Variants in ARHGEF4 observed in about 807,000 individuals in gnomAD.
ARHGEF4 encodes APC-stimulated guanine nucleotide exchange factor 1.
In ARHGEF4, 119 loss-of-function variants were observed where a neutral mutation model predicts 162.0. The ratio of observed to expected loss-of-function variants is 0.73; its 90% CI spans 0.63 to 0.86. The LOEUF (loss-of-function observed/expected upper bound fraction) is 0.86. ARHGEF4 is among the 40% of genes least tolerant of loss of function. The pLI is 0.00. For synonymous variants in ARHGEF4, 1,014 were observed against 979.9 expected (o/e 1.03, Z -0.65); for missense variants, 2,488 against 2,456.0 (o/e 1.01, Z -0.28).
intron 2 of ARHGEF4, among the ~76,000 whole-genome samples, chr2:130,920,520 A>G (rs1011623337): frequency 6.6e-6 from 1 of 151,994 alleles, no homozygotes; most frequent in Non-Finnish European, 1.5e-5. Flanking sequence ...TACATAGGGA[A>G]CGGGAAGGGA....
intron 4 of ARHGEF4, among the ~76,000 whole-genome samples, chr2:130,984,792 A>G (rs1316689461): frequency 6.6e-6 from 1 of 152,184 alleles, no homozygotes; most frequent in African/African-American, 2.4e-5. Context: ...TGCTGCAACA[A>G]ACAAGCCCCA....
chr2:130,914,527 C>A lies in ARHGEF4; in HGVS notation c.581C>A (p.Pro194His). 7.0e-7 allele frequency: 1 copy of A among 1,426,056 alleles called. No individual in the cohort carries two copies. Among genetic ancestry groups the A allele is most frequent in the South Asian group, 1.6e-5 (1 of 64,130 alleles). 88.3% of individuals were successfully genotyped at this position (1,426,056 alleles called of 1,614,324 possible). A position where few individuals can be genotyped will look rare whatever the true frequency, so the allele number is the denominator to read the frequency against. ...CAGAGGGCCACAGACAGCAGTGGTC[C>A]TGAGCCAGTACAGGGGGTGGCTGTT... ...CLQRATDSSG[P>H]EPVQGVAVQD... Residue 194 changes from proline to histidine, a missense_variant, in exon 2 of 14, where the codon CCT (proline) becomes CAT (histidine). Coordinates refer to ENST00000409359, the MANE Select transcript of ARHGEF4 (RefSeq NM_001367493.1).
intron 1 of ARHGEF4, among the ~76,000 whole-genome samples, chr2:130,880,784 C>T (rs568669670): frequency 7.2e-5 from 11 of 152,220 alleles, no homozygotes; most frequent in African/African-American, 2.4e-4. Flanking sequence ...GTCATCCTGC[C>T]TCAACCTCCC....
intron 1 of ARHGEF4, among the ~76,000 whole-genome samples, chr2:130,849,733 A>T (rs1233580980): frequency 6.6e-6 from 1 of 151,928 alleles, no homozygotes; most frequent in Admixed American, 6.6e-5. Flanking sequence ...ACGTCCAGCT[A>T]ATTTTTGTAT....
At chr2:130,837,715 A>G in intron 1 of ARHGEF4, 1 of 413,638 alleles carries the variant, frequency 2.4e-6, no homozygotes, top group Non-Finnish European at 4.9e-6. Flanking sequence ...AGCCAGCGGG[A>G]GGGCGGTTGC....
At chr2:131,010,645 G>A (rs1688389224) in intron 4 of ARHGEF4, among the ~76,000 whole-genome samples, 1 of 152,184 alleles carries the variant, frequency 6.6e-6, no homozygotes, top group Non-Finnish European at 1.5e-5. Flanking sequence ...GGTGGTTCCT[G>A]GTAGCTTCCC....
At chr2:130,999,212 G>A (rs562146641) in intron 4 of ARHGEF4, among the ~76,000 whole-genome samples, 9 of 147,428 alleles carry the variant, frequency 6.1e-5, no homozygotes, top group Middle Eastern at 3.7e-3. Flanking sequence ...TGGCTGGAGT[G>A]CAGTGGCGCG....
chr2:130,991,778 C>A (rs571078218), intron 4 of ARHGEF4, among the ~76,000 whole-genome samples: 7 of 152,250 alleles, frequency 4.6e-5, no homozygotes, highest in Non-Finnish European at 4.4e-5. Context: ...AGCGCCACCC[C>A]GTGCTCCACA....
chr2:130,981,211 G>A lies in ARHGEF4; in HGVS notation c.3985+34576G>A, dbSNP rs116563246. On this transcript the variant is annotated intron_variant, in intron 4 of 13. Coordinates refer to ENST00000409359, the MANE Select transcript of ARHGEF4 (RefSeq NM_001367493.1). ...CCTGAAGACCAAACAAAGATAGCCTGGGAATTCTAGATAAATAGAACAAAT... is the reference window on the plus strand; with the variant it reads ...CCTGAAGACCAAACAAAGATAGCCTAGGAATTCTAGATAAATAGAACAAAT... Among the ~76,000 whole-genome samples, 993 of 152,222 alleles carry A rather than the reference G, an allele frequency of 6.5e-3. 10 individuals carry two copies. The highest frequency in any genetic ancestry group is 0.023 in the African/African-American group (960 of 41,520).
At position 130,917,451 on chromosome 2, in the gene ARHGEF4, C is replaced by T. The variant is rs200874420; in HGVS notation, c.3505C>T (p.Arg1169Cys). The T allele has an allele frequency of 7.3e-5, 113 of 1,550,444 alleles. No individual in the cohort carries two copies. Among genetic ancestry groups the T allele is most frequent in the Non-Finnish European group, 9.2e-5 (105 of 1,147,006 alleles). Reference protein sequence around the residue: ...EESREGGQGPRGLGTVPWLRD... With the variant: ...EESREGGQGPCGLGTVPWLRD... ...GAGCAGGGAAGGAGGCCAGGGTCCG[C>T]GCGGCTTGGGCACAGTGCCCTGGCT... The change falls in exon 2 of 14, where the codon CGC becomes TGC. Residue 1169 changes from arginine (R) to cysteine (C), a missense_variant. Arg to Cys is a radical substitution (Grantham distance 180). Transcript: ENST00000409359.
intron 1 of ARHGEF4, chr2:130,837,351 G>A (rs919935176): frequency 2.9e-6 from 1 of 341,248 alleles, no homozygotes; most frequent in Non-Finnish European, 5.4e-6. Flanking sequence ...CGGCCTGGGC[G>A]CGCAGGGCAC....
rs187619456 is a variant in ARHGEF4, at chr2:130,876,392, T to C, written c.40-37594T>C. Among the ~76,000 whole-genome samples, 143 of 152,262 alleles carry C rather than the reference T, an allele frequency of 9.4e-4. 1 individual carries two copies. Among genetic ancestry groups the C allele is most frequent in the African/African-American group, 3.3e-3 (138 of 41,552 alleles). ...GTGTGCTAGGTACTTTGTATGAGCATCTTTTTTTTGTTTGTTTCTTTGAGA... is the reference window on the plus strand; with the variant it reads ...GTGTGCTAGGTACTTTGTATGAGCACCTTTTTTTTGTTTGTTTCTTTGAGA... On this transcript the variant is annotated intron_variant, in intron 1 of 13. Coordinates refer to ENST00000409359, the MANE Select transcript of ARHGEF4 (RefSeq NM_001367493.1).
chr2:131,034,579 A>G (rs1455523795), intron 5 of ARHGEF4, among the ~76,000 whole-genome samples: 1 of 152,194 alleles, frequency 6.6e-6, no homozygotes, highest in East Asian at 1.9e-4. Flanking sequence ...CTAACCTTTC[A>G]GAGCCACGTT....
chr2:130,964,143 C>A, intron 4 of ARHGEF4: 4 of 984,440 alleles, frequency 4.1e-6, no homozygotes, highest in South Asian at 4.7e-5. Context: ...CGGGCTCCGA[C>A]TCGGACAGCA....
At chr2:131,006,695 C>G (rs1398805928) in intron 4 of ARHGEF4, among the ~76,000 whole-genome samples, 1 of 152,236 alleles carries the variant, frequency 6.6e-6, no homozygotes, top group Non-Finnish European at 1.5e-5. Context: ...CCCTATCCCT[C>G]TGGTCTTGCC....
chr2:130,914,549 T>C lies in ARHGEF4; in HGVS notation c.603T>C (p.Ala201=). ...SSGPEPVQGV[A]VQDLRGLSSV... ...GTCCTGAGCCAGTACAGGGGGTGGC[T>C]GTTCAAGACCTCAGAGGGCTCTCCA... Residue 201 remains alanine (A), a synonymous_variant, in exon 2 of 14, where the codon GCT becomes GCC. Transcript: ENST00000409359. The C allele has an allele frequency of 7.1e-7, 1 of 1,410,448 alleles. No individual in the cohort carries two copies. Among genetic ancestry groups the C allele is most frequent in the Non-Finnish European group, 9.2e-7 (1 of 1,088,434 alleles). 87.4% of individuals were successfully genotyped at this position (1,410,448 alleles called of 1,614,324 possible). A position where few individuals can be genotyped will look rare whatever the true frequency, so the allele number is the denominator to read the frequency against.
chr2:130,855,726 A>G (rs556652655), intron 1 of ARHGEF4, among the ~76,000 whole-genome samples: 3 of 152,336 alleles, frequency 2.0e-5, no homozygotes, highest in African/African-American at 4.8e-5. Flanking sequence ...TCAGGAGCCA[A>G]TCAATAGCCA....
At position 130,870,168 on chromosome 2, in the gene ARHGEF4, C is replaced by A. The variant is rs145164148; in HGVS notation, c.39+33176C>A. 1.0e-3 allele frequency among the ~76,000 whole-genome samples: 155 copies of A among 152,330 alleles called. 1 individual carries two copies. The highest frequency in any genetic ancestry group is 3.7e-3 in the African/African-American group (153 of 41,584). The stretch of plus-strand genomic sequence containing the variant: ...AGGGTGGGAGGCCTGCCCACTGTTT[C>A]TTCCATGGGTATTGTTGCTTTTCCC... On this transcript the variant is annotated intron_variant, in intron 1 of 13. Coordinates refer to ENST00000409359, the MANE Select transcript of ARHGEF4 (RefSeq NM_001367493.1).
At chr2:131,026,317 G>A (rs987305784) in intron 4 of ARHGEF4, among the ~76,000 whole-genome samples, 1 of 152,202 alleles carries the variant, frequency 6.6e-6, no homozygotes, top group African/African-American at 2.4e-5. Flanking sequence ...ACTGAGGTTG[G>A]AAAGAATTTC....
Sources: gnomAD v4.1 joint callset for allele counts (sites outside exome capture counted in the v4.1 genomes callset) on GRCh38, gnomAD v4.1.1 for gene constraint, MANE v1.5 for transcripts, NCBI Gene and HGNC (gene_info 2026-07-23, HGNC 2026-07-21) for gene names.